COL23A1: variants seen among roughly 807,000 people sequenced by gnomAD.
COL23A1 encodes the protein collagen alpha-1(XXIII) chain.
Under a neutral mutation model 99.3 loss-of-function variants are expected in COL23A1, and 97 were observed. The ratio of observed to expected loss-of-function variants is 0.98; its 90% CI spans 0.83 to 1.16. The LOEUF is 1.16. Ranked by LOEUF, COL23A1 falls within the 50% of genes most tolerant of loss-of-function variation. The pLI, the probability that COL23A1 is intolerant of heterozygous loss-of-function variation, is 0.00. For synonymous variants in COL23A1, 320 were observed against 308.2 expected, an observed-to-expected ratio of 1.04 and a Z score of -0.40; for missense variants, 762 against 757.4, an observed-to-expected ratio of 1.01 and a Z score of -0.07.
intron 2 of COL23A1, among the ~76,000 whole-genome samples, chr5:178,462,896 C>T (rs1389356677): frequency 6.6e-6 from 1 of 152,168 alleles, no homozygotes; most frequent in Non-Finnish European, 1.5e-5. Flanking sequence ...TGAAAATTTA[C>T]GGACAGCAGA....
At chr5:178,339,527 G>A (rs1444179167) in intron 2 of COL23A1, among the ~76,000 whole-genome samples, 2 of 152,216 alleles carry the variant, frequency 1.3e-5, no homozygotes, top group African/African-American at 2.4e-5. Context: ...AGGGGATGGC[G>A]TGGGACTGAG....
At position 178,255,629 on chromosome 5, in the gene COL23A1, G is replaced by T. The variant is rs1765260426; in HGVS notation, c.883-603C>A. On this transcript the variant is annotated intron_variant, in intron 15 of 28. Transcript: ENST00000390654. The surrounding 1 kb of genome is among the most constrained non-coding windows in gnomAD (Gnocchi z 4.2). ...TTTGCTTGGGGTACAGTGAAGGCTG[G>T]GGAGCACTTTGGTCCAGACCCGAGC... 6.6e-6 allele frequency among the ~76,000 whole-genome samples: 1 copy of T among 152,154 alleles called. No homozygotes were observed. Among genetic ancestry groups the T allele is most frequent in the African/African-American group, 2.4e-5 (1 of 41,432 alleles).
intron 8 of COL23A1, among the ~76,000 whole-genome samples, chr5:178,264,480 G>C (rs1231190723): frequency 1.3e-5 from 2 of 152,074 alleles, no homozygotes; most frequent in Non-Finnish European, 2.9e-5. Context: ...GAGAGGAAGG[G>C]AGATCACTGT....
chr5:178,354,037 C>T lies in COL23A1; in HGVS notation c.362-47118G>A, dbSNP rs142173785. On this transcript the variant is annotated intron_variant, in intron 2 of 28. Coordinates refer to ENST00000390654, the MANE Select transcript of COL23A1 (RefSeq NM_173465.4). Reference sequence around the variant, plus strand: ...TTGCATGAGCCTAAAACACCCTGCCCGGGAGGCAGGGGTGATTGGCACCCA... The same window carrying T: ...TTGCATGAGCCTAAAACACCCTGCCTGGGAGGCAGGGGTGATTGGCACCCA... Among the ~76,000 whole-genome samples, 380 of 152,030 alleles carry T rather than the reference C, an allele frequency of 2.5e-3. 2 individuals carry two copies. The highest frequency in any genetic ancestry group is 4.2e-3 in the Non-Finnish European group (285 of 67,978).
chr5:178,389,340 C>T (rs1415633089), intron 2 of COL23A1, among the ~76,000 whole-genome samples: 1 of 152,188 alleles, frequency 6.6e-6, no homozygotes, highest in African/African-American at 2.4e-5. Context: ...GGTTTGGCTA[C>T]ACTCTCCCCT....
chr5:178,276,192 G>A (rs1033096455), intron 5 of COL23A1, among the ~76,000 whole-genome samples: 1 of 152,180 alleles, frequency 6.6e-6, no homozygotes, highest in Admixed American at 6.5e-5. Context: ...TTAGGGAAAG[G>A]TCCAGGGCTG....
In COL23A1 at chr5:178,358,246, A is replaced by G. The variant is rs537227740; in HGVS notation, c.362-51327T>C. Reference sequence around the variant, plus strand: ...CTAATGTGTGTATGTGTGTATGTGTATGTGTGTGTATGTATATGTGTGTAT... The same window carrying G: ...CTAATGTGTGTATGTGTGTATGTGTGTGTGTGTGTATGTATATGTGTGTAT... On this transcript the variant is annotated intron_variant, in intron 2 of 28. Coordinates refer to ENST00000390654, the MANE Select transcript of COL23A1 (RefSeq NM_173465.4). Among the ~76,000 whole-genome samples, 36 of 128,586 alleles carry G rather than the reference A, an allele frequency of 2.8e-4. No individual in the cohort carries two copies. In the South Asian group the frequency reaches 3.1e-3, roughly 11 times the overall value. The allele number at this position is 128,586 out of a possible 152,430, so 84.4% of individuals were successfully genotyped here.
chr5:178,444,260 C>T (rs904654203), intron 2 of COL23A1, among the ~76,000 whole-genome samples: 1 of 152,132 alleles, frequency 6.6e-6, no homozygotes, highest in African/African-American at 2.4e-5. Flanking sequence ...CCCATCCCCC[C>T]CAAATATCTA....
At chr5:178,328,007 C>T (rs1276194432) in intron 2 of COL23A1, among the ~76,000 whole-genome samples, 2 of 152,224 alleles carry the variant, frequency 1.3e-5, no homozygotes, top group African/African-American at 4.8e-5. Context: ...AGAGCAGAGA[C>T]TGTGCGTGCC....
rs1301824674 is a variant in COL23A1 at position 178,544,330 on chromosome 5, A to T, written c.361+16352T>A. Among the ~76,000 whole-genome samples, 3 of 152,186 alleles carry T rather than the reference A, an allele frequency of 2.0e-5. No homozygotes were observed. The highest frequency in any genetic ancestry group is 1.3e-4 in the Admixed American group (2 of 15,280). ...GCCCCTGCTGGAGCTCCTGGATCCC[A>T]AGGCGGGGAAGGCAAGTCGGCGGAT... On this transcript the variant is annotated intron_variant, in intron 2 of 28. Coordinates refer to ENST00000390654, the MANE Select transcript of COL23A1 (RefSeq NM_173465.4). This position sits in a 1 kb window ranked among gnomAD's most constrained non-coding sequence, Gnocchi z 4.4.
intron 2 of COL23A1, among the ~76,000 whole-genome samples, chr5:178,372,147 G>A (rs1358152062): frequency 6.6e-6 from 1 of 152,238 alleles, no homozygotes; most frequent in Non-Finnish European, 1.5e-5. Flanking sequence ...GAAATAAGGT[G>A]ATGGGGCAGC....
intron 2 of COL23A1, among the ~76,000 whole-genome samples, chr5:178,523,146 ATATATATATATATATAC>A: frequency 4.5e-5 from 2 of 44,810 alleles, no homozygotes; most frequent in African/African-American, 1.3e-4. Context: ...ATTTAAAAAT[ATATATATATATATATAC>A]ATATATATAT....
chr5:178,318,108 G>A (rs1238229447), intron 2 of COL23A1, among the ~76,000 whole-genome samples: 1 of 152,180 alleles, frequency 6.6e-6, no homozygotes, highest in East Asian at 1.9e-4. Flanking sequence ...TTCAACTGTT[G>A]CCACAATTAT....
chr5:178,551,363 T>G (rs954825935), intron 2 of COL23A1, among the ~76,000 whole-genome samples: 27 of 152,098 alleles, frequency 1.8e-4, no homozygotes, highest in African/African-American at 6.3e-4. Flanking sequence ...ATTGATAGAC[T>G]CAGGTGGTTA....
chr5:178,405,659 T>C (rs1764726382), intron 2 of COL23A1, among the ~76,000 whole-genome samples: 1 of 152,168 alleles, frequency 6.6e-6, no homozygotes, highest in African/African-American at 2.4e-5. Flanking sequence ...TGAACAGTTC[T>C]CCAGAAGGCC....
At position 178,534,316 on chromosome 5, in the gene COL23A1, G is replaced by A. The variant is rs193012040; in HGVS notation, c.361+26366C>T. On this transcript the variant is annotated intron_variant, in intron 2 of 28. Transcript: ENST00000390654. ...AAGGGCAATAATGCCACTCATGAGA[G>A]CTCCACCGTCATGACTTAACCACCT... Among the ~76,000 whole-genome samples, 68 of 152,218 alleles carry A rather than the reference G, an allele frequency of 4.5e-4. 1 individual carries two copies. The highest frequency in any genetic ancestry group is 1.6e-3 in the African/African-American group (66 of 41,536).
intron 2 of COL23A1, among the ~76,000 whole-genome samples, chr5:178,404,686 A>G (rs1196358274): frequency 4.0e-5 from 6 of 151,722 alleles, no homozygotes; most frequent in Admixed American, 3.3e-4. Flanking sequence ...CACGAAGACC[A>G]TGTGTGATAA....
intron 19 of COL23A1, among the ~76,000 whole-genome samples, chr5:178,248,630 C>A (rs1403271381): frequency 6.6e-6 from 1 of 152,084 alleles, no homozygotes; most frequent in Admixed American, 6.5e-5. Context: ...ACAAAAGCAA[C>A]GAAAATCATG....
At chr5:178,327,335 C>T (rs372314973) in intron 2 of COL23A1, among the ~76,000 whole-genome samples, 15 of 152,140 alleles carry the variant, frequency 9.9e-5, no homozygotes, top group African/African-American at 3.6e-4. Context: ...CCCTGGGTGT[C>T]GGGAAACGGG....
Sources: allele counts gnomAD v4.1 joint callset (sites outside exome capture counted in the v4.1 genomes callset), GRCh38; gene constraint gnomAD v4.1.1; non-coding constraint Gnocchi (gnomAD v3.1); transcripts MANE v1.5; gene names NCBI Gene and HGNC (gene_info 2026-07-23, HGNC 2026-07-21).